The following ZNF679 variants were observed in gnomAD, a reference collection of about 807,000 sequenced individuals.
ZNF679 encodes hypothetical protein MGC42415.
ZNF679 carries 10 observed loss-of-function variants against 13.4 expected under a neutral mutation model. That is an observed-to-expected ratio of 0.75 (90% CI 0.46 to 1.27). The LOEUF is 1.27. Ranked by LOEUF, ZNF679 falls within the 50% of genes most tolerant of loss-of-function variation. ZNF679 has a pLI of 0.00. For synonymous variants in ZNF679, 179 were observed against 162.5 expected (o/e 1.10, Z -0.77); for missense variants, 525 against 477.8 (o/e 1.10, Z -0.92).
chr7:64,237,446 G>T (rs549884951), intron 1 of ZNF679, among the ~76,000 whole-genome samples: 1 of 152,138 alleles, frequency 6.6e-6, no homozygotes, highest in Non-Finnish European at 1.5e-5. Context: ...CCCTGAACCC[G>T]GATGAGACAT....
At chr7:64,251,149 A>G (rs1182768139) in intron 2 of ZNF679, among the ~76,000 whole-genome samples, 1 of 152,102 alleles carries the variant, frequency 6.6e-6, no homozygotes, top group African/African-American at 2.4e-5. Context: ...GTTTATAAAT[A>G]TTTCACATAA....
intron 2 of ZNF679, among the ~76,000 whole-genome samples, chr7:64,256,809 T>C (rs1265813823): frequency 6.6e-6 from 1 of 151,712 alleles, no homozygotes; most frequent in Non-Finnish European, 1.5e-5. Context: ...GCAATTCTCC[T>C]GTCTCAGCCT....
chr7:64,249,190 T>TGG lies in ZNF679; in HGVS notation c.39+35_39+36insGG, dbSNP rs752275976. ...TGGGTCTGTCACCGTGAGAGAGGGGTGAGGGCTGGTTGGAACCGGCTGAAA... is the reference window on the plus strand; with the variant it reads ...TGGGTCTGTCACCGTGAGAGAGGGGTGGGAGGGCTGGTTGGAACCGGCTGAAA... On this transcript the variant is annotated intron_variant, in intron 2 of 4. Transcript: ENST00000421025. 7.3e-4 allele frequency: 1,180 copies of TGG among 1,613,622 alleles called. 18 individuals carry two copies. The East Asian group carries it at 0.024, about 33-fold the overall frequency.
chr7:64,249,345 C>G (rs1787912758), intron 2 of ZNF679, among the ~76,000 whole-genome samples, 189 bp downstream of exon 2: 1 of 152,136 alleles, frequency 6.6e-6, no homozygotes, highest in Non-Finnish European at 1.5e-5. Flanking sequence ...GGCTAGGACC[C>G]TAGGAATTCT....
rs1435112749 is a variant in ZNF679, at chr7:64,266,029, T to G, written c.396T>G (p.Gly132=). The change falls in exon 5 of 5, where the codon GGT becomes GGG. Residue 132 remains glycine, a synonymous_variant. Transcript: ENST00000421025. ...NLQVKTCKSM[G]ECEVQKGGCN... ...AAGTAAAAACATGTAAAAGCATGGG[T>G]GAGTGTGAGGTGCAAAAAGGAGGTT... 1 of 1,613,470 alleles carries G rather than the reference T, an allele frequency of 6.2e-7. No individual in the cohort carries two copies. Among genetic ancestry groups the G allele is most frequent in the South Asian group, 1.1e-5 (1 of 91,068 alleles).
chr7:64,243,732 G>A (rs1787830685), intron 1 of ZNF679, among the ~76,000 whole-genome samples: 1 of 152,162 alleles, frequency 6.6e-6, no homozygotes, highest in Admixed American at 6.5e-5. Flanking sequence ...CTGTAGGTGA[G>A]GCCTAGGCAA....
At chr7:64,262,233 A>C (rs934546333) in intron 4 of ZNF679, among the ~76,000 whole-genome samples, 2 of 152,168 alleles carry the variant, frequency 1.3e-5, no homozygotes, top group African/African-American at 4.8e-5. Flanking sequence ...CTCAATATTA[A>C]GTTTTATCAC....
chr7:64,234,861 A>G (rs1033649602), intron 1 of ZNF679, among the ~76,000 whole-genome samples: 40 of 152,176 alleles, frequency 2.6e-4, no homozygotes, highest in Non-Finnish European at 5.1e-4. Context: ...TTTTCAAGAC[A>G]GAGTCTCGCT....
intron 1 of ZNF679, among the ~76,000 whole-genome samples, chr7:64,244,589 A>G (rs1787841180): frequency 6.6e-6 from 1 of 152,222 alleles, no homozygotes; most frequent in Non-Finnish European, 1.5e-5. Context: ...CAGTTTTTAC[A>G]AAATCTAGAA....
chr7:64,251,832 C>T (rs917704271), intron 2 of ZNF679, among the ~76,000 whole-genome samples: 8 of 152,204 alleles, frequency 5.3e-5, no homozygotes, highest in Admixed American at 2.0e-4. Context: ...AGAGAGCAAA[C>T]GAATGCCTTG....
At chr7:64,237,365 A>G (rs1460091130) in intron 1 of ZNF679, among the ~76,000 whole-genome samples, 2 of 152,170 alleles carry the variant, frequency 1.3e-5, no homozygotes, top group Non-Finnish European at 2.9e-5. Flanking sequence ...GTGTGCAGGA[A>G]TCACTTTCTA....
chr7:64,249,045 T>C lies in ZNF679; in HGVS notation c.-73T>C, dbSNP rs374951221. 1.6e-4 allele frequency: 254 copies of C among 1,606,226 alleles called. No homozygotes were observed. The African/African-American group carries it at 3.0e-3, about 19-fold the overall frequency. The stretch of plus-strand genomic sequence containing the variant: ...GCGTCCAGAGCTCCAGTTCTTCTCT[T>C]CACTGCTCTGCGTCCTCTGTTCCTA... On this transcript the variant is annotated 5_prime_UTR_variant, in exon 2 of 5. Coordinates refer to ENST00000421025, the MANE Select transcript of ZNF679 (RefSeq NM_153363.3).
intron 2 of ZNF679, among the ~76,000 whole-genome samples, chr7:64,256,739 C>A (rs1788009932): frequency 6.6e-6 from 1 of 150,400 alleles, no homozygotes; most frequent in Non-Finnish European, 1.5e-5. Context: ...ACTCTTTCGC[C>A]CAGGCTGGAG....
chr7:64,248,385 C>A (rs1562843771), intron 1 of ZNF679, among the ~76,000 whole-genome samples: 1 of 151,930 alleles, frequency 6.6e-6, no homozygotes, highest in Admixed American at 6.6e-5. Context: ...CGGGTTCAAG[C>A]GATTTTTCTG....
chr7:64,259,014 C>A (rs1239200156), intron 2 of ZNF679, among the ~76,000 whole-genome samples: 3 of 152,008 alleles, frequency 2.0e-5, no homozygotes, highest in Admixed American at 1.3e-4. Flanking sequence ...TGGGTTCAAG[C>A]GATTCTCCTG....
intron 1 of ZNF679, among the ~76,000 whole-genome samples, chr7:64,240,017 C>T (rs1216436148): frequency 6.6e-6 from 1 of 152,196 alleles, no homozygotes; most frequent in Non-Finnish European, 1.5e-5. Context: ...TAACTGGACA[C>T]TTTCCACAAA....
At chr7:64,257,852 G>A (rs529681156) in intron 2 of ZNF679, among the ~76,000 whole-genome samples, 38 of 152,208 alleles carry the variant, frequency 2.5e-4, no homozygotes, top group Non-Finnish European at 4.8e-4. Context: ...GTCTGGGAAA[G>A]CACAATCAGC....
chr7:64,264,057 A>G (rs979163661), intron 4 of ZNF679, among the ~76,000 whole-genome samples: 9 of 152,068 alleles, frequency 5.9e-5, no homozygotes, highest in African/African-American at 2.2e-4. Flanking sequence ...TGTTATATAT[A>G]CTTATACATA....
chr7:64,243,158 A>C (rs1787820140), intron 1 of ZNF679, among the ~76,000 whole-genome samples: 1 of 152,170 alleles, frequency 6.6e-6, no homozygotes, highest in African/African-American at 2.4e-5. Flanking sequence ...TGATCTTTGC[A>C]CATGTAGAAG....
Sources: allele counts gnomAD v4.1 joint callset (sites outside exome capture counted in the v4.1 genomes callset), GRCh38; gene constraint gnomAD v4.1.1; transcripts MANE v1.5; gene names NCBI Gene and HGNC (gene_info 2026-07-23, HGNC 2026-07-21).